ARHGEF28: variants seen among roughly 807,000 people sequenced by gnomAD.
ARHGEF28 encodes the protein 190 kDa guanine nucleotide exchange factor.
A neutral mutation model predicts 206.6 loss-of-function variants in ARHGEF28; 152 were observed. The observed-to-expected ratio is 0.74, with a 90% CI of 0.64 to 0.84. The LOEUF (loss-of-function observed/expected upper bound fraction) is 0.84. Among genes scored for constraint, ARHGEF28 ranks in the 40% least tolerant of loss-of-function variants. The probability of loss-of-function intolerance (pLI) is 0.00; values close to 1 mark genes in which losing one functional copy is unlikely to be tolerated. For missense variants in ARHGEF28, 2,028 were observed against 2,073.2 expected (o/e 0.98, Z 0.42); for synonymous variants, 763 against 776.4 (o/e 0.98, Z 0.29).
chr5:73,718,800 C>G (rs1580522825), intron 2 of ARHGEF28, among the ~76,000 whole-genome samples: 1 of 152,344 alleles, frequency 6.6e-6, no homozygotes, highest in East Asian at 1.9e-4. Flanking sequence ...CAACTCACTA[C>G]TATCTTCATC....
At chr5:73,698,876 G>A (rs548581879) in intron 2 of ARHGEF28, among the ~76,000 whole-genome samples, 1 of 151,832 alleles carries the variant, frequency 6.6e-6, no homozygotes, top group Non-Finnish European at 1.5e-5. Flanking sequence ...GCCTGCACTG[G>A]TTGGCACCGG....
At chr5:73,763,900 A>G (rs1216803549) in intron 4 of ARHGEF28, among the ~76,000 whole-genome samples, 1 of 152,250 alleles carries the variant, frequency 6.6e-6, no homozygotes, top group Non-Finnish European at 1.5e-5. Context: ...GCAGGCAGCT[A>G]GTTCCTTACA....
chr5:73,741,341 A>ATGTGTGTGTGTGTGTGTG (rs369851573), intron 2 of ARHGEF28, among the ~76,000 whole-genome samples: 2 of 66,174 alleles, frequency 3.0e-5, no homozygotes, highest in African/African-American at 1.4e-4. Context: ...TTAAATTTAT[A>ATGTGTGTGTGTGTGTGTG]TGTGTGTGTG....
At chr5:73,673,084 G>T (rs1335709555) in intron 1 of ARHGEF28, among the ~76,000 whole-genome samples, 3 of 152,148 alleles carry the variant, frequency 2.0e-5, no homozygotes, top group East Asian at 3.9e-4. Flanking sequence ...GCATAACTCA[G>T]GTAGATAACT....
chr5:73,679,397 A>T (rs1746923039), intron 1 of ARHGEF28, among the ~76,000 whole-genome samples: 1 of 151,924 alleles, frequency 6.6e-6, no homozygotes, highest in African/African-American at 2.4e-5. Context: ...CAAAATCCTG[A>T]CTCTACTAAA....
At chr5:73,840,296 G>A (rs961634969) in intron 10 of ARHGEF28, among the ~76,000 whole-genome samples, 184 bp from the exon 11 acceptor site, 1 of 152,108 alleles carries the variant, frequency 6.6e-6, no homozygotes, top group Non-Finnish European at 1.5e-5. Flanking sequence ...TGTATTTTTA[G>A]TAGAGATGGG....
At chr5:73,904,155 G>C in intron 31 of ARHGEF28, 67 bp from the exon 32 acceptor site, 4 of 1,517,434 alleles carry the variant, frequency 2.6e-6, no homozygotes, top group Non-Finnish European at 2.7e-6. Flanking sequence ...ATACATTTTG[G>C]GACACTGCAG....
intron 2 of ARHGEF28, among the ~76,000 whole-genome samples, chr5:73,698,519 C>T (rs767124821): frequency 6.6e-6 from 1 of 151,998 alleles, no homozygotes; most frequent in Non-Finnish European, 1.5e-5. Flanking sequence ...TTAGGGTCTT[C>T]CCTAAGCATT....
intron 26 of ARHGEF28, 64 bp downstream of exon 26, chr5:73,887,743 A>C: frequency 7.5e-7 from 1 of 1,335,378 alleles, no homozygotes; most frequent in Non-Finnish European, 1.0e-6. Flanking sequence ...CTTGAAAAAT[A>C]CCTAAAATTC....
At chr5:73,874,525 A>C (rs1760317565) in intron 22 of ARHGEF28, among the ~76,000 whole-genome samples, 1 of 146,994 alleles carries the variant, frequency 6.8e-6, no homozygotes, top group Non-Finnish European at 1.5e-5. Flanking sequence ...CTCGTCATTT[A>C]GCATTAGGTA....
intron 35 of ARHGEF28, among the ~76,000 whole-genome samples, chr5:73,925,958 ATACT>A (rs374496646): frequency 2.7e-4 from 41 of 152,322 alleles, no homozygotes; most frequent in African/African-American, 8.9e-4. Context: ...TCTTGGATTA[ATACT>A]TAGGAGAATT....
intron 4 of ARHGEF28, among the ~76,000 whole-genome samples, chr5:73,764,070 C>T (rs1440099901): frequency 6.6e-6 from 1 of 152,174 alleles, no homozygotes; most frequent in Non-Finnish European, 1.5e-5. Flanking sequence ...CTTGACAGCC[C>T]TGTCCCATTT....
chr5:73,697,727 A>G (rs191592570), intron 2 of ARHGEF28, among the ~76,000 whole-genome samples: 15 of 152,298 alleles, frequency 9.8e-5, no homozygotes, highest in Admixed American at 7.2e-4. Context: ...TTAAATTTCA[A>G]CATGAGTTTC....
intron 29 of ARHGEF28, among the ~76,000 whole-genome samples, chr5:73,897,517 C>T (rs750372965): frequency 1.3e-5 from 2 of 151,976 alleles, no homozygotes; most frequent in Non-Finnish European, 1.5e-5. Flanking sequence ...TTCTGGGCAA[C>T]AGGTTTTAAA....
intron 7 of ARHGEF28, 45 bp from the exon 8 acceptor site, chr5:73,794,357 A>C (rs768931321): frequency 8.7e-6 from 13 of 1,492,302 alleles, no homozygotes; most frequent in Non-Finnish European, 1.2e-5. Context: ...GTTCTTCTTA[A>C]CAAAAGCTCC....
At chr5:73,628,386 GA>G (rs1335367129) in intron 1 of ARHGEF28, among the ~76,000 whole-genome samples, 1 of 151,990 alleles carries the variant, frequency 6.6e-6, no homozygotes, top group Non-Finnish European at 1.5e-5. Context: ...TGAATTCCAA[GA>G]AAAAAAGATT....
intron 4 of ARHGEF28, among the ~76,000 whole-genome samples, chr5:73,756,289 C>T (rs532097068): frequency 1.3e-5 from 2 of 152,226 alleles, no homozygotes; most frequent in Admixed American, 6.5e-5. Flanking sequence ...ATTGTATGTA[C>T]TTATATGTGC....
At chr5:73,940,318 A>C (rs1006404160) in intron 35 of ARHGEF28, among the ~76,000 whole-genome samples, 1 of 152,196 alleles carries the variant, frequency 6.6e-6, no homozygotes, top group Non-Finnish European at 1.5e-5. Context: ...TACTTTGTGT[A>C]GTATTAACAG....
intron 2 of ARHGEF28, among the ~76,000 whole-genome samples, chr5:73,696,733 A>G (rs1229339328): frequency 6.6e-6 from 1 of 152,188 alleles, no homozygotes; most frequent in Non-Finnish European, 1.5e-5. Flanking sequence ...TGATTTTCCA[A>G]CACTAGTTTA....
Sources: gnomAD v4.1 joint callset for allele counts (sites outside exome capture counted in the v4.1 genomes callset) on GRCh38, gnomAD v4.1.1 for gene constraint, MANE v1.5 for transcripts, NCBI Gene and HGNC (gene_info 2026-07-23, HGNC 2026-07-21) for gene names.